SIPA1L1: variants seen among roughly 807,000 people sequenced by gnomAD.
SIPA1L1 encodes the protein signal-induced proliferation-associated 1-like protein 1.
SIPA1L1 carries 26 observed loss-of-function variants against 162.7 expected under a neutral mutation model. The observed-to-expected ratio is 0.16, with a 90% CI of 0.12 to 0.22. SIPA1L1 has a LOEUF of 0.22. Ranked by LOEUF, SIPA1L1 falls within the 10% of genes least tolerant of loss-of-function variation. The pLI, the probability that SIPA1L1 is intolerant of heterozygous loss-of-function variation, is 1.00. For synonymous variants in SIPA1L1, 829 were observed against 837.4 expected (o/e 0.99, Z 0.17); for missense variants, 1,874 against 2,241.0 (o/e 0.84, Z 3.31).
Position 71,633,993 on chromosome 14 carries a change from C to T in SIPA1L1, c.1818+9757C>T, listed in dbSNP as rs989990517. Among the ~76,000 whole-genome samples the T allele has an allele frequency of 2.7e-5, 4 of 149,624 alleles. No homozygotes were observed. The East Asian group carries it at 7.8e-4, about 29-fold the overall frequency. On this transcript the variant is annotated intron_variant, in intron 7 of 23. Coordinates refer to ENST00000381232, the MANE Select transcript of SIPA1L1 (RefSeq NM_001386936.1). ...TGACAGAAACTGAGCAAATCCCAAA[C>T]AGTATAAATCCAAAGAAGTCCACAG... is the stretch of plus-strand genomic sequence containing the variant.
intron 2 of SIPA1L1, among the ~76,000 whole-genome samples, chr14:71,468,978 C>T (rs1025742046): frequency 2.0e-5 from 3 of 151,596 alleles, no homozygotes; most frequent in African/African-American, 7.2e-5. Context: ...TATTATACCA[C>T]ACTAGAAAAG....
intron 2 of SIPA1L1, among the ~76,000 whole-genome samples, chr14:71,446,906 G>GTTTTTTTTTTTTTTT (rs1189940440): frequency 1.9e-3 from 103 of 53,234 alleles, no homozygotes; most frequent in South Asian, 3.0e-3. Context: ...TTTTTTTTTT[G>GTTTTTTTTTTTTTTT]TTTTTTTTTT....
At chr14:71,682,271 T>C (rs1404591099) in intron 12 of SIPA1L1, among the ~76,000 whole-genome samples, 1 of 152,242 alleles carries the variant, frequency 6.6e-6, no homozygotes, top group Non-Finnish European at 1.5e-5. Context: ...TTACCGTTCA[T>C]CAACACAGAA....
chr14:71,320,900 C>T (rs929696475), intron 1 of SIPA1L1, among the ~76,000 whole-genome samples: 3 of 151,996 alleles, frequency 2.0e-5, no homozygotes, highest in African/African-American at 4.8e-5. Flanking sequence ...CTCCGCCTTC[C>T]CCTCCTCCGG....
At chr14:71,515,876 A>G (rs939464276) in intron 3 of SIPA1L1, among the ~76,000 whole-genome samples, 5 of 152,156 alleles carry the variant, frequency 3.3e-5, no homozygotes, top group African/African-American at 1.2e-4. Context: ...TCCTGACCTC[A>G]AGTGATCCGC....
chr14:71,394,102 C>G (rs1478872305), intron 2 of SIPA1L1, among the ~76,000 whole-genome samples: 1 of 152,220 alleles, frequency 6.6e-6, no homozygotes, highest in Admixed American at 6.5e-5. Context: ...TCAAAGCCAG[C>G]AAGGGCGGAG....
At chr14:71,359,127 G>A (rs2037554168) in intron 2 of SIPA1L1, among the ~76,000 whole-genome samples, 1 of 152,172 alleles carries the variant, frequency 6.6e-6, no homozygotes, top group Admixed American at 6.5e-5. Flanking sequence ...TATTGTGGGA[G>A]GGACCCAGTG....
chr14:71,372,355 G>C (rs1001206408), intron 2 of SIPA1L1, among the ~76,000 whole-genome samples: 3 of 152,090 alleles, frequency 2.0e-5, no homozygotes, highest in Non-Finnish European at 4.4e-5. Flanking sequence ...CCCGTATCCA[G>C]ATTAATTTAC....
At chr14:71,465,861 C>A (rs567180676) in intron 2 of SIPA1L1, among the ~76,000 whole-genome samples, 2 of 152,318 alleles carry the variant, frequency 1.3e-5, no homozygotes, top group East Asian at 3.9e-4. Context: ...GTCCAAAGTT[C>A]AAGGGCAGGA....
At chr14:71,374,060 G>T (rs2039146557) in intron 2 of SIPA1L1, among the ~76,000 whole-genome samples, 1 of 152,188 alleles carries the variant, frequency 6.6e-6, no homozygotes, top group Non-Finnish European at 1.5e-5. Flanking sequence ...TGTAGTATTT[G>T]AAAGTACTTC....
intron 2 of SIPA1L1, among the ~76,000 whole-genome samples, chr14:71,375,339 C>G (rs2039279138): frequency 6.6e-6 from 1 of 152,080 alleles, no homozygotes; most frequent in African/African-American, 2.4e-5. Context: ...TTAATATATA[C>G]CAATATCCAT....
At chr14:71,667,237 C>G (rs2044103582) in intron 10 of SIPA1L1, among the ~76,000 whole-genome samples, 1 of 152,142 alleles carries the variant, frequency 6.6e-6, no homozygotes, top group African/African-American at 2.4e-5. Flanking sequence ...CATGCTGCTC[C>G]TCTCACACAT....
intron 2 of SIPA1L1, among the ~76,000 whole-genome samples, chr14:71,442,145 C>G (rs2141245731): frequency 7.3e-6 from 1 of 137,012 alleles, no homozygotes; most frequent in Non-Finnish European, 1.5e-5. Flanking sequence ...TGTACTCCAG[C>G]CTGGATGACA....
chr14:71,698,180 C>T (rs1190402463), intron 13 of SIPA1L1, among the ~76,000 whole-genome samples: 1 of 152,222 alleles, frequency 6.6e-6, no homozygotes, highest in East Asian at 1.9e-4. Context: ...CTAGTCACAA[C>T]TGTCAGCACA....
chr14:71,606,019 G>A (rs923966156), intron 5 of SIPA1L1, among the ~76,000 whole-genome samples: 13 of 152,132 alleles, frequency 8.5e-5, no homozygotes, highest in Admixed American at 2.0e-4. Context: ...ATGGTGGGCC[G>A]AGAAAGCTTG....
intron 7 of SIPA1L1, among the ~76,000 whole-genome samples, chr14:71,625,317 T>C (rs1273878919): frequency 2.0e-5 from 3 of 151,806 alleles, no homozygotes; most frequent in Non-Finnish European, 4.4e-5. Flanking sequence ...TTTTTTTTTT[T>C]CTGGAGACAG....
intron 7 of SIPA1L1, among the ~76,000 whole-genome samples, chr14:71,628,960 C>T (rs573129674): frequency 7.2e-5 from 11 of 152,020 alleles, no homozygotes; most frequent in East Asian, 5.8e-4. Context: ...TTTTTTGAGA[C>T]GGAGTCTCAC....
chr14:71,618,662 A>G (rs939502555), intron 5 of SIPA1L1, 95 bp from the exon 6 acceptor site: 1 of 1,127,798 alleles, frequency 8.9e-7, no homozygotes, highest in Non-Finnish European at 1.3e-6. Flanking sequence ...TATTGATAAA[A>G]TTTCTGAGTG....
At chr14:71,673,196 A>G (rs1295573707) in intron 12 of SIPA1L1, among the ~76,000 whole-genome samples, 2 of 152,168 alleles carry the variant, frequency 1.3e-5, no homozygotes, top group Admixed American at 6.5e-5. Flanking sequence ...GGGAAAACCT[A>G]AGAGCTCCCT....
Sources: allele counts gnomAD v4.1 joint callset (sites outside exome capture counted in the v4.1 genomes callset), GRCh38; gene constraint gnomAD v4.1.1; transcripts MANE v1.5; gene names NCBI Gene and HGNC (gene_info 2026-07-23, HGNC 2026-07-21).